The following PEPD variants were observed in gnomAD, a reference collection of about 807,000 sequenced individuals.
PEPD encodes peptidase D.
PEPD carries 53 observed loss-of-function variants against 60.7 expected under a neutral mutation model. That is an observed-to-expected ratio of 0.87 (90% CI 0.70 to 1.10). The LOEUF (loss-of-function observed/expected upper bound fraction) is 1.10. PEPD is among the 50% of genes least tolerant of loss of function. PEPD has a pLI of 0.00. For missense variants in PEPD, 711 were observed against 711.9 expected, an observed-to-expected ratio of 1.00 and a Z score of 0.01; for synonymous variants, 267 against 284.1, an observed-to-expected ratio of 0.94 and a Z score of 0.60.
chr19:33,430,536 C>A (rs1430967011), intron 9 of PEPD, among the ~76,000 whole-genome samples: 1 of 152,124 alleles, frequency 6.6e-6, no homozygotes, highest in Non-Finnish European at 1.5e-5. Flanking sequence ...AGACCGGAAG[C>A]CTGTTTGCTA....
At chr19:33,478,129 G>T (rs774874484) in intron 6 of PEPD, 39 bp from the exon 7 acceptor site, 11 of 1,408,472 alleles carry the variant, frequency 7.8e-6, no homozygotes, top group African/African-American at 2.8e-5. Context: ...TAATCCAACG[G>T]TCTGTCATGT....
At position 33,460,728 on chromosome 19, in the gene PEPD, A is replaced by G. The variant is rs535711083; in HGVS notation, c.671+2267T>C. Among the ~76,000 whole-genome samples, 253 of 152,226 alleles carry G rather than the reference A, an allele frequency of 1.7e-3. 2 individuals carry two copies. The highest frequency in any genetic ancestry group is 5.9e-3 in the African/African-American group (247 of 41,550). The stretch of plus-strand genomic sequence containing the variant: ...TGCACAGCATGGGCAGCAGGTACAC[A>G]CGCTGACCCGATGCCACTCAGCACC... On this transcript the variant is annotated intron_variant, in intron 9 of 14. Coordinates refer to ENST00000244137, the MANE Select transcript of PEPD (RefSeq NM_000285.4).
intron 11 of PEPD, among the ~76,000 whole-genome samples, chr19:33,405,278 C>T (rs1968595682): frequency 6.6e-6 from 1 of 152,186 alleles, no homozygotes; most frequent in Admixed American, 6.5e-5. Flanking sequence ...CAAGATGGGT[C>T]GGCCAGTGAC....
intron 9 of PEPD, among the ~76,000 whole-genome samples, chr19:33,421,112 C>T (rs899948943): frequency 3.3e-5 from 5 of 152,138 alleles, no homozygotes; most frequent in South Asian, 2.1e-4. Flanking sequence ...GGTGAGCGTT[C>T]GGGTTGTTTC....
intron 3 of PEPD, among the ~76,000 whole-genome samples, chr19:33,506,466 C>T (rs1226958584): frequency 6.8e-6 from 1 of 147,880 alleles, no homozygotes; most frequent in Non-Finnish European, 1.5e-5. Flanking sequence ...CCCACCACAC[C>T]CCATCACAAA....
rs967526002 is a variant in PEPD at position 33,411,565 on chromosome 19, C to T, written c.818+107G>A. On this transcript the variant is annotated intron_variant, in intron 11 of 14. Coordinates refer to ENST00000244137, the MANE Select transcript of PEPD (RefSeq NM_000285.4). ...AAGAAGCCCAGGGACTTGCTGTGGT[C>T]AGCCCTCTCAGGACAGGGACCCAGA... 32 of 723,720 alleles carry T rather than the reference C, an allele frequency of 4.4e-5. No individual in the cohort carries two copies. In the Admixed American group the frequency reaches 5.2e-4, roughly 12 times the overall value. The allele number at this position is 723,720 out of a possible 1,614,324, so 44.8% of individuals were successfully genotyped here.
chr19:33,424,668 G>A (rs1411512220), intron 9 of PEPD, among the ~76,000 whole-genome samples: 3 of 152,008 alleles, frequency 2.0e-5, no homozygotes, highest in Admixed American at 6.6e-5. Context: ...AGTGAGACCC[G>A]GTATTCGTCC....
chr19:33,388,159 G>A, intron 13 of PEPD, 78 bp from the exon 14 acceptor site: 2 of 1,212,768 alleles, frequency 1.6e-6, no homozygotes, highest in Non-Finnish European at 2.4e-6. Flanking sequence ...ATGGGCATGT[G>A]AGGGCCGGTG....
intron 9 of PEPD, among the ~76,000 whole-genome samples, chr19:33,414,836 G>T (rs988584742): frequency 6.6e-6 from 1 of 152,250 alleles, no homozygotes; most frequent in East Asian, 1.9e-4. Context: ...GGATAATTGG[G>T]TATCTGCGAG....
intron 1 of PEPD, among the ~76,000 whole-genome samples, chr19:33,516,259 T>C (rs898361012): frequency 1.1e-4 from 16 of 152,240 alleles, no homozygotes; most frequent in African/African-American, 3.6e-4. Context: ...ATTCGGCAAA[T>C]GTAGCACCAA....
Position 33,488,782 on chromosome 19 carries a change from G to C in PEPD, c.503+1214C>G, listed in dbSNP as rs12978173. On this transcript the variant is annotated intron_variant, in intron 6 of 14. Coordinates refer to ENST00000244137, the MANE Select transcript of PEPD (RefSeq NM_000285.4). The stretch of plus-strand genomic sequence containing the variant: ...CCTCATCACCCCTACATCACACACA[G>C]AGATTCCAGCAGCTTGGGCTCATAC... 2.6e-5 allele frequency among the ~76,000 whole-genome samples: 4 copies of C among 152,216 alleles called. No individual in the cohort carries two copies. The South Asian group carries it at 6.2e-4, about 24-fold the overall frequency.
At chr19:33,454,849 T>A (rs1236440534) in intron 9 of PEPD, among the ~76,000 whole-genome samples, 1 of 152,152 alleles carries the variant, frequency 6.6e-6, no homozygotes, top group Non-Finnish European at 1.5e-5. Context: ...AAGGTCAACA[T>A]CATCAGTGAT....
chr19:33,474,267 C>T (rs909919402), intron 7 of PEPD, among the ~76,000 whole-genome samples: 7 of 152,230 alleles, frequency 4.6e-5, no homozygotes, highest in African/African-American at 1.7e-4. Context: ...AGTGCAAGAG[C>T]CTGGGATCAA....
intron 12 of PEPD, among the ~76,000 whole-genome samples, chr19:33,394,400 C>T (rs1047210743): frequency 2.0e-5 from 3 of 152,222 alleles, no homozygotes; most frequent in Non-Finnish European, 4.4e-5. Context: ...TGTGCCGGCC[C>T]GGGGGTCCCC....
intron 3 of PEPD, among the ~76,000 whole-genome samples, chr19:33,510,823 C>T (rs939508613): frequency 3.3e-5 from 5 of 152,218 alleles, no homozygotes; most frequent in Non-Finnish European, 7.3e-5. Context: ...CACAGTCATA[C>T]TCCAGCTCTA....
intron 6 of PEPD, chr19:33,487,236 G>C (rs1473133508): frequency 6.6e-6 from 1 of 152,420 alleles, no homozygotes; most frequent in African/African-American, 2.4e-5. Context: ...GGAAGGCAGG[G>C]GGATGAGCTG....
intron 9 of PEPD, among the ~76,000 whole-genome samples, chr19:33,429,008 A>AT (rs1427567326): frequency 6.6e-6 from 1 of 152,216 alleles, no homozygotes; most frequent in African/African-American, 2.4e-5. Context: ...TTCTGGGCAC[A>AT]TATCTTAGCC....
chr19:33,413,539 T>C (rs367863842), intron 10 of PEPD, 36 bp downstream of exon 10: 1 of 1,303,118 alleles, frequency 7.7e-7, no homozygotes, highest in Non-Finnish European at 1.1e-6. Context: ...CTCCTCCCAC[T>C]GGTCACCCCC....
At chr19:33,493,209 G>C in intron 5 of PEPD, 81 bp downstream of exon 5, 1 of 987,026 alleles carries the variant, frequency 1.0e-6, no homozygotes, top group South Asian at 1.3e-5. Context: ...CTATGGGCCC[G>C]ACCTCTGCAG....
Sources: allele counts gnomAD v4.1 joint callset (sites outside exome capture counted in the v4.1 genomes callset), GRCh38; gene constraint gnomAD v4.1.1; transcripts MANE v1.5; gene names NCBI Gene and HGNC (gene_info 2026-07-23, HGNC 2026-07-21).